LPCAT1: variants seen among roughly 807,000 people sequenced by gnomAD.
LPCAT1 encodes the protein lysophosphatidylcholine acyltransferase 1, also known as 1-acylglycerol-3-phosphate O-acyltransferase.
Under a neutral mutation model 60.9 loss-of-function variants are expected in LPCAT1, and 23 were observed. The ratio of observed to expected loss-of-function variants is 0.38; its 90% CI spans 0.27 to 0.53. The LOEUF is 0.53. Ranked by LOEUF, LPCAT1 falls within the 20% of genes least tolerant of loss-of-function variation. LPCAT1 has a pLI of 0.82. For missense variants in LPCAT1, 622 were observed against 723.6 expected, an observed-to-expected ratio of 0.86 and a Z score of 1.61; for synonymous variants, 340 against 301.1, an observed-to-expected ratio of 1.13 and a Z score of -1.34.
intron 9 of LPCAT1, among the ~76,000 whole-genome samples, chr5:1,474,913 G>GC (rs1734838987): frequency 6.6e-6 from 1 of 152,240 alleles, no homozygotes; most frequent in Non-Finnish European, 1.5e-5. Context: ...GACACAGACT[G>GC]CCATCACGTG....
In LPCAT1 at chr5:1,463,674, G is replaced by A. The variant is rs751718602; in HGVS notation, c.1582C>T (p.Pro528Ser). The change falls in exon 14 of 14, where the codon CCT becomes TCT. Residue 528 changes from proline to serine, a missense_variant. Pro to Ser is a moderately conservative substitution (Grantham distance 74). Around this residue, in one of 3 missense-constraint regions of LPCAT1, gnomAD observed 288 missense variants for 283.6 expected, o/e 1.02. Coordinates refer to ENST00000283415, the MANE Select transcript of LPCAT1 (RefSeq NM_024830.5). ...SPENSDAGRK[P>S]VRKKLD ...TCCTAATCCAGCTTCTTGCGAACAGGCTTCCGCCCAGCGTCTGAGTTTTCC... is the reference window on the plus strand; with the variant it reads ...TCCTAATCCAGCTTCTTGCGAACAGACTTCCGCCCAGCGTCTGAGTTTTCC... 1.2e-6 allele frequency: 2 copies of A among 1,614,114 alleles called. No homozygotes were observed.
Position 1,480,801 on chromosome 5 carries a change from T to G in LPCAT1, c.761+141A>C. On this transcript the variant is annotated intron_variant, in intron 7 of 13. Transcript: ENST00000283415. The surrounding 1 kb of genome is among the most constrained non-coding windows in gnomAD (Gnocchi z 6.4). ...TGGGCCACATCTGTACGTTTAGTTT[T>G]CACAATGGGCTGAACCTAACGGCTG... The G allele has an allele frequency of 9.6e-7, 1 of 1,046,412 alleles. No individual in the cohort carries two copies. Among genetic ancestry groups the G allele is most frequent in the Non-Finnish European group, 1.5e-6 (1 of 671,642 alleles). The allele number at this position is 1,046,412 out of a possible 1,614,324, so 64.8% of individuals were successfully genotyped here.
At chr5:1,472,597 A>G (rs1032770206) in intron 11 of LPCAT1, among the ~76,000 whole-genome samples, 5 of 152,160 alleles carry the variant, frequency 3.3e-5, no homozygotes, top group South Asian at 2.1e-4. Context: ...GCACAGTGTC[A>G]TAAGTTACCT....
intron 9 of LPCAT1, among the ~76,000 whole-genome samples, chr5:1,475,679 A>G (rs1361134109): frequency 6.6e-6 from 1 of 152,204 alleles, no homozygotes; most frequent in African/African-American, 2.4e-5. Flanking sequence ...GGAGTGGGAA[A>G]CCAGCCGGGA....
chr5:1,483,498 G>A lies in LPCAT1; in HGVS notation c.668-12C>T, dbSNP rs1186009058. 3.7e-6 allele frequency: 6 copies of A among 1,613,394 alleles called. No homozygotes were observed. The highest frequency in any genetic ancestry group is 5.1e-6 in the Non-Finnish European group (6 of 1,179,820). ...AGGGATGAATGCACCTGCCGAGAAA[G>A]GAACAGCGGTGTTGCCCATGGCAGC... On this transcript the variant is annotated splice_polypyrimidine_tract_variant and intron_variant, in intron 5 of 13. Transcript: ENST00000283415. The surrounding 1 kb of genome is among the most constrained non-coding windows in gnomAD (Gnocchi z 9.2).
chr5:1,513,757 T>G (rs1736423904), intron 1 of LPCAT1, among the ~76,000 whole-genome samples: 1 of 128,376 alleles, frequency 7.8e-6, no homozygotes, highest in Admixed American at 8.0e-5. Flanking sequence ...TGCGATTACA[T>G]TCTCACCCGT....
chr5:1,504,220 C>T (rs942565890), intron 1 of LPCAT1, among the ~76,000 whole-genome samples: 1 of 152,260 alleles, frequency 6.6e-6, no homozygotes, highest in Admixed American at 6.5e-5. Context: ...TAAGGGGCAG[C>T]CTTTTCCTTT....
intron 6 of LPCAT1, among the ~76,000 whole-genome samples, chr5:1,482,413 A>G (rs1280095865): frequency 1.7e-5 from 1 of 57,422 alleles, no homozygotes; most frequent in Non-Finnish European, 3.2e-5. Flanking sequence ...GGGCGGGGCC[A>G]GGGGGTGGGG....
chr5:1,470,167 C>T (rs1422562752), intron 12 of LPCAT1, among the ~76,000 whole-genome samples: 5 of 152,254 alleles, frequency 3.3e-5, no homozygotes. Flanking sequence ...TAAAGTTGTG[C>T]CTCTGTACAG....
rs1231006459 is a variant in LPCAT1 at position 1,496,376 on chromosome 5, A to G, written c.279-1462T>C. 6.6e-6 allele frequency among the ~76,000 whole-genome samples: 1 copy of G among 151,926 alleles called. No homozygotes were observed. Among genetic ancestry groups the G allele is most frequent in the Non-Finnish European group, 1.5e-5 (1 of 67,978 alleles). ...ACTCCATCTCAAGAAAACTAAACTA[A>G]AAAATAAAGATGTACTCTTCTGTGC... is the stretch of plus-strand genomic sequence containing the variant. On this transcript the variant is annotated intron_variant, in intron 2 of 13. Coordinates refer to ENST00000283415, the MANE Select transcript of LPCAT1 (RefSeq NM_024830.5). This position sits in a 1 kb window ranked among gnomAD's most constrained non-coding sequence, Gnocchi z 4.7.
intron 10 of LPCAT1, 42 bp downstream of exon 10, chr5:1,474,518 G>A (rs749865803): frequency 2.2e-5 from 35 of 1,602,966 alleles, no homozygotes; most frequent in African/African-American, 1.9e-4. Context: ...TCGGCATCAC[G>A]GGTTCTAGCT....
At position 1,523,954 on chromosome 5, in the gene LPCAT1, G is replaced by T; in HGVS notation, c.-110C>A. The T allele has an allele frequency of 1.3e-6, 1 of 796,228 alleles. No homozygotes were observed. Among genetic ancestry groups the T allele is most frequent in the South Asian group, 5.5e-5 (1 of 18,252 alleles). 49.3% of individuals were successfully genotyped at this position (796,228 alleles called of 1,614,324 possible). On this transcript the variant is annotated 5_prime_UTR_variant, in exon 1 of 14. Transcript: ENST00000283415. The surrounding 1 kb of genome is among the most constrained non-coding windows in gnomAD (Gnocchi z 7.1). The stretch of plus-strand genomic sequence containing the variant: ...GCGGGCCGAGGATGCGCGGCGGCTG[G>T]AGCGGGCCGGGCGCGCAGGCGCGGG...
In LPCAT1 at chr5:1,485,918, C is replaced by T. The variant is rs536273066; in HGVS notation, c.668-2432G>A. 2.6e-5 allele frequency among the ~76,000 whole-genome samples: 4 copies of T among 152,366 alleles called. No individual in the cohort carries two copies. The East Asian group carries it at 7.7e-4, about 29-fold the overall frequency. On this transcript the variant is annotated intron_variant, in intron 5 of 13. Coordinates refer to ENST00000283415, the MANE Select transcript of LPCAT1 (RefSeq NM_024830.5). Reference sequence around the variant, plus strand: ...TTCCAACAGCCACATTTGGTAGGCCCGCCTCTGCATCCTCGGGCTGTCAGT... The same window carrying T: ...TTCCAACAGCCACATTTGGTAGGCCTGCCTCTGCATCCTCGGGCTGTCAGT...
At chr5:1,490,241 C>T (rs1560973439) in intron 3 of LPCAT1, among the ~76,000 whole-genome samples, 1 of 152,204 alleles carries the variant, frequency 6.6e-6, no homozygotes, top group African/African-American at 2.4e-5. Flanking sequence ...CCGCCTTCCC[C>T]CTGTGGGTTG....
rs1189235056 is a variant in LPCAT1 at position 1,522,488 on chromosome 5, C to T, written c.135+1222G>A. Among the ~76,000 whole-genome samples, 1 of 152,088 alleles carries T rather than the reference C, an allele frequency of 6.6e-6. No individual in the cohort carries two copies. The highest frequency in any genetic ancestry group is 1.5e-5 in the Non-Finnish European group (1 of 68,002). On this transcript the variant is annotated intron_variant, in intron 1 of 13. Coordinates refer to ENST00000283415, the MANE Select transcript of LPCAT1 (RefSeq NM_024830.5). The surrounding 1 kb of genome is among the most constrained non-coding windows in gnomAD (Gnocchi z 6.8). Reference sequence around the variant, plus strand: ...CAGGGCCTGGGAGCCAGGCTGGGGACGACCTCACCCTGTGTGTCACCAGGA... The same window carrying T: ...CAGGGCCTGGGAGCCAGGCTGGGGATGACCTCACCCTGTGTGTCACCAGGA...
chr5:1,465,596 C>T (rs1346350644), intron 13 of LPCAT1, among the ~76,000 whole-genome samples: 1 of 150,152 alleles, frequency 6.7e-6, no homozygotes, highest in East Asian at 2.0e-4. Context: ...CACACACGCA[C>T]GGTACTAAAC....
rs1252737414 is a variant in LPCAT1, at chr5:1,480,985, G to A, written c.727-9C>T. 6.2e-7 allele frequency: 1 copy of A among 1,613,668 alleles called. No homozygotes were observed. The highest frequency in any genetic ancestry group is 8.5e-7 in the Non-Finnish European group (1 of 1,180,006). ...GTCCATGTGATGGTGTCCTGGGGAG[G>A]AAGAGGCAGGGTCAGTCAGCATGGG... On this transcript the variant is annotated splice_polypyrimidine_tract_variant and intron_variant, in intron 6 of 13. Transcript: ENST00000283415. The surrounding 1 kb of genome is among the most constrained non-coding windows in gnomAD (Gnocchi z 6.4).
At chr5:1,488,852 A>G (rs985202220) in intron 4 of LPCAT1, among the ~76,000 whole-genome samples, 6 of 152,228 alleles carry the variant, frequency 3.9e-5, no homozygotes, top group Non-Finnish European at 8.8e-5. Context: ...GCAAAGACCC[A>G]CAAATGGCAG....
intron 12 of LPCAT1, among the ~76,000 whole-genome samples, chr5:1,468,146 C>T (rs1734513938): frequency 6.6e-6 from 1 of 152,200 alleles, no homozygotes; most frequent in South Asian, 2.1e-4. Context: ...CACCCTCTTC[C>T]CGGGGCTCTG....
Sources: allele counts gnomAD v4.1 joint callset (sites outside exome capture counted in the v4.1 genomes callset), GRCh38; gene constraint gnomAD v4.1.1; regional missense constraint gnomAD v4.1.1; non-coding constraint Gnocchi (gnomAD v3.1); transcripts MANE v1.5; gene names NCBI Gene and HGNC (gene_info 2026-07-23, HGNC 2026-07-21).